The following PCM1 variants were observed in gnomAD, a reference collection of about 807,000 sequenced individuals.
The protein encoded by PCM1 is pericentriolar material 1.
In PCM1, 157 loss-of-function variants were observed where a neutral mutation model predicts 241.9. The observed-to-expected ratio is 0.65, with a 90% CI of 0.57 to 0.74. The LOEUF (loss-of-function observed/expected upper bound fraction) is 0.74. PCM1 is among the 30% of genes least tolerant of loss of function. The pLI is 0.00. For missense variants in PCM1, 3,478 were observed against 2,360.1 expected (o/e 1.47, Z -9.81); for synonymous variants, 1,085 against 784.9 (o/e 1.38, Z -6.39).
chr8:17,989,292 G>C (rs2083674978), intron 26 of PCM1, among the ~76,000 whole-genome samples: 1 of 151,992 alleles, frequency 6.6e-6, no homozygotes, highest in Non-Finnish European at 1.5e-5. Flanking sequence ...ATTGACTGTA[G>C]AGGGTTGTGA....
intron 2 of PCM1, among the ~76,000 whole-genome samples, chr8:17,930,249 C>T (rs932660924): frequency 9.9e-5 from 15 of 151,888 alleles, no homozygotes; most frequent in South Asian, 6.2e-4. Flanking sequence ...TACAGGTGCC[C>T]GCCACCACGC....
chr8:17,999,597 A>G (rs1269141129), intron 29 of PCM1, among the ~76,000 whole-genome samples: 3 of 152,036 alleles, frequency 2.0e-5, no homozygotes, highest in African/African-American at 4.8e-5. Flanking sequence ...AGTCACTTGC[A>G]TTGCTGCAGT....
At chr8:17,940,268 G>A in intron 6 of PCM1, 1 of 598,608 alleles carries the variant, frequency 1.7e-6, no homozygotes, top group East Asian at 2.8e-5. Context: ...TGTATTCCAG[G>A]GAAGAACCCC....
intron 8 of PCM1, among the ~76,000 whole-genome samples, 198 bp from the exon 9 acceptor site, chr8:17,952,772 G>C (rs372414215): frequency 9.9e-4 from 150 of 152,182 alleles, no homozygotes; most frequent in African/African-American, 3.4e-3. Context: ...GATACTGAGG[G>C]ATGACTTCAT....
chr8:17,990,454 T>C (rs1490958106), intron 27 of PCM1, among the ~76,000 whole-genome samples: 3 of 151,502 alleles, frequency 2.0e-5, no homozygotes, highest in Non-Finnish European at 4.4e-5. Context: ...GCATAGCAAA[T>C]GGTTTTGGTT....
intron 6 of PCM1, among the ~76,000 whole-genome samples, chr8:17,942,611 G>A (rs1374829998): frequency 1.3e-5 from 2 of 151,890 alleles, no homozygotes; most frequent in African/African-American, 2.4e-5. Context: ...GGTTTTTTCT[G>A]CAGTGTTTAA....
chr8:18,017,822 C>T (rs113470407), intron 36 of PCM1, among the ~76,000 whole-genome samples: 98 of 152,178 alleles, frequency 6.4e-4, no homozygotes, highest in African/African-American at 2.2e-3. Context: ...CATTGCACTC[C>T]AGCCTGGGCA....
At chr8:18,011,928 T>C in intron 34 of PCM1, 101 bp downstream of exon 34, 2 of 1,090,480 alleles carry the variant, frequency 1.8e-6, no homozygotes, top group Non-Finnish European at 2.7e-6. Context: ...CTTCTAAATA[T>C]TCAGGTTTCA....
chr8:17,964,645 G>A lies in PCM1; in HGVS notation c.2732G>A (p.Gly911Glu), dbSNP rs769240575. Residue 911 changes from glycine (G) to glutamate (E), a missense_variant, in exon 18 of 39, where the codon GGA becomes GAA. Transcript: ENST00000325083. ...EGDEDGYLSEGIVRTDEEEEE... is the reference protein window; with the variant it reads ...EGDEDGYLSEEIVRTDEEEEE... The stretch of plus-strand genomic sequence containing the variant: ...GATGAAGACGGTTACCTTTCTGAAG[G>A]AATTGTTCGGACAGATGAAGAGGAG... The A allele has an allele frequency of 1.2e-6, 2 of 1,613,908 alleles. No individual in the cohort carries two copies. Among genetic ancestry groups the A allele is most frequent in the Non-Finnish European group, 1.7e-6 (2 of 1,179,826 alleles).
intron 2 of PCM1, among the ~76,000 whole-genome samples, chr8:17,928,747 T>G (rs1333058024): frequency 6.7e-6 from 1 of 149,366 alleles, no homozygotes; most frequent in Non-Finnish European, 1.5e-5. Context: ...TTCTCCTGCC[T>G]CAGCCTCTCT....
chr8:17,965,802 G>A lies in PCM1; in HGVS notation c.2856-197G>A, dbSNP rs574639693. On this transcript the variant is annotated intron_variant, in intron 18 of 38. Transcript: ENST00000325083. ...TGTAAAAACATACATGAAAAAGACT[G>A]GAGACTAATGAAAACTAATAATTGT... is the stretch of plus-strand genomic sequence containing the variant. Among the ~76,000 whole-genome samples, 29 of 152,276 alleles carry A rather than the reference G, an allele frequency of 1.9e-4. No homozygotes were observed. The South Asian group carries it at 5.4e-3, about 28-fold the overall frequency.
intron 36 of PCM1, among the ~76,000 whole-genome samples, chr8:18,019,456 TTAC>T (rs1394330929): frequency 1.3e-5 from 2 of 152,182 alleles, no homozygotes; most frequent in African/African-American, 4.8e-5. Context: ...TCTATTATTA[TTAC>T]GTTATATAAT....
chr8:17,938,960 A>T lies in PCM1; in HGVS notation c.563A>T (p.Gln188Leu), dbSNP rs377495759. Residue 188 changes from glutamine to leucine, a missense_variant, in exon 5 of 39, where the codon CAG becomes CTG. Gln to Leu is a moderately radical substitution (Grantham distance 113). Transcript: ENST00000325083. ...AGTAATGACCTCTTGCAAAACTGTC[A>T]GGTGTCTGAAGAAGATGGGAGGGGA... ...ALSNDLLQNCQVSEEDGRGEP... is the reference protein window; with the variant it reads ...ALSNDLLQNCLVSEEDGRGEP... The T allele has an allele frequency of 2.5e-6, 4 of 1,613,750 alleles. No individual in the cohort carries two copies. Among genetic ancestry groups the T allele is most frequent in the Non-Finnish European group, 3.4e-6 (4 of 1,179,668 alleles).
At chr8:17,941,579 C>G (rs1563738664) in intron 6 of PCM1, among the ~76,000 whole-genome samples, 1 of 150,640 alleles carries the variant, frequency 6.6e-6, no homozygotes. Context: ...AATTGTTTTA[C>G]AAGGCTGGCT....
chr8:17,959,971 C>G, intron 13 of PCM1, 43 bp from the exon 14 acceptor site: 1 of 1,583,336 alleles, frequency 6.3e-7, no homozygotes, highest in African/African-American at 1.3e-5. Context: ...TGGATAATGT[C>G]TTGAGGTATC....
At chr8:17,975,793 A>C (rs913637329) in intron 23 of PCM1, among the ~76,000 whole-genome samples, 2 of 152,208 alleles carry the variant, frequency 1.3e-5, no homozygotes, top group Admixed American at 6.5e-5. Flanking sequence ...TTTAATCCTT[A>C]GAAGGTCTTT....
At position 17,957,360 on chromosome 8, in the gene PCM1, T is replaced by C. The variant is rs774487920; in HGVS notation, c.1743T>C (p.Asn581=). The part of the protein sequence containing the change: ...NNRDGRTVNS[N]CEINNRSAAN... ...GAGATGGGCGAACAGTTAATTCTAA[T>C]TGTGAAATTAACAACAGATCTGCTG... The change falls in exon 12 of 39, where the codon AAT becomes AAC. Residue 581 remains asparagine, a synonymous_variant. Coordinates refer to ENST00000325083, the MANE Select transcript of PCM1 (RefSeq NM_006197.4). 6.2e-7 allele frequency: 1 copy of C among 1,610,872 alleles called. No homozygotes were observed. The highest frequency in any genetic ancestry group is 8.5e-7 in the Non-Finnish European group (1 of 1,177,276).
At chr8:17,983,283 G>C (rs1356116490) in intron 24 of PCM1, 1 of 1,323,516 alleles carries the variant, frequency 7.6e-7, no homozygotes, top group African/African-American at 1.5e-5. Context: ...ATGCAATGAA[G>C]CGCCAGGTAA....
chr8:18,013,608 C>T (rs1296833028), intron 34 of PCM1, among the ~76,000 whole-genome samples: 1 of 152,054 alleles, frequency 6.6e-6, no homozygotes, highest in Non-Finnish European at 1.5e-5. Flanking sequence ...TTTTTGTTTC[C>T]TCTCCCTGCT....
Sources: gnomAD v4.1 joint callset for allele counts (sites outside exome capture counted in the v4.1 genomes callset) on GRCh38, gnomAD v4.1.1 for gene constraint, MANE v1.5 for transcripts, NCBI Gene and HGNC (gene_info 2026-07-23, HGNC 2026-07-21) for gene names.